Variants in THSD4 observed in about 807,000 individuals in gnomAD.
THSD4 encodes the protein thrombospondin type-1 domain-containing protein 4.
THSD4 carries 69 observed loss-of-function variants against 119.0 expected under a neutral mutation model. The ratio of observed to expected loss-of-function variants is 0.58; its 90% confidence interval spans 0.48 to 0.71. THSD4 has a LOEUF of 0.71. THSD4 is among the 30% of genes least tolerant of loss of function. The probability of loss-of-function intolerance (pLI) is 0.00; values close to 1 mark genes in which losing one functional copy is unlikely to be tolerated. For missense variants in THSD4, 1,393 were observed against 1,391.1 expected, an observed-to-expected ratio of 1.00 and a Z score of -0.02; for synonymous variants, 524 against 540.4, an observed-to-expected ratio of 0.97 and a Z score of 0.42.
chr15:71,325,548 G>C (rs1328852481), intron 6 of THSD4, among the ~76,000 whole-genome samples: 1 of 152,178 alleles, frequency 6.6e-6, no homozygotes, highest in Non-Finnish European at 1.5e-5. Context: ...TTCTAAGGGA[G>C]TTCAAAACTG....
chr15:71,168,286 T>C (rs1025539410), intron 3 of THSD4, among the ~76,000 whole-genome samples: 8 of 152,230 alleles, frequency 5.3e-5, no homozygotes, highest in African/African-American at 1.9e-4. Context: ...ACTGTCTGCC[T>C]AGCAGACACT....
chr15:71,165,078 T>A, intron 3 of THSD4: 2 of 1,609,998 alleles, frequency 1.2e-6, no homozygotes, highest in Non-Finnish European at 1.7e-6. Context: ...TGTTCTCCTT[T>A]GATTTTTGGG....
intron 6 of THSD4, among the ~76,000 whole-genome samples, chr15:71,258,412 C>CA (rs1397288291): frequency 2.0e-5 from 3 of 152,262 alleles, no homozygotes; most frequent in Admixed American, 2.0e-4. Context: ...CTCCTGATCT[C>CA]AAGTGATCCA....
chr15:71,660,147 G>T (rs989523927), intron 7 of THSD4, among the ~76,000 whole-genome samples: 25 of 152,196 alleles, frequency 1.6e-4, no homozygotes, highest in African/African-American at 6.0e-4. Context: ...GCAAACTTCA[G>T]TTTCAGATGT....
intron 14 of THSD4, among the ~76,000 whole-genome samples, chr15:71,750,205 A>G (rs965913914): frequency 6.6e-6 from 1 of 152,172 alleles, no homozygotes; most frequent in Non-Finnish European, 1.5e-5. Context: ...TCATGAGAAC[A>G]ACAACCATAG....
At chr15:71,749,697 T>TTTTATTTATTTATTTG (rs1555449035) in intron 14 of THSD4, among the ~76,000 whole-genome samples, 23 of 137,628 alleles carry the variant, frequency 1.7e-4, no homozygotes, top group African/African-American at 6.2e-4. Context: ...ATTTTTAAAT[T>TTTTATTTATTTATTTG]TTTATTTATT....
intron 6 of THSD4, among the ~76,000 whole-genome samples, chr15:71,359,349 C>T (rs1401117289): frequency 2.0e-5 from 3 of 152,172 alleles, no homozygotes; most frequent in Non-Finnish European, 4.4e-5. Flanking sequence ...GATATAGTAC[C>T]TTCTATTTAG....
At chr15:71,656,034 C>T (rs1019003647) in intron 7 of THSD4, among the ~76,000 whole-genome samples, 5 of 152,196 alleles carry the variant, frequency 3.3e-5, no homozygotes, top group South Asian at 4.1e-4. Context: ...TTATTCCAAA[C>T]TGTTTTTCCT....
At chr15:71,224,467 C>T (rs1394668365) in intron 4 of THSD4, among the ~76,000 whole-genome samples, 4 of 152,206 alleles carry the variant, frequency 2.6e-5, no homozygotes, top group Admixed American at 6.5e-5. Context: ...TCTACCACCC[C>T]GTCTCTGTCA....
intron 7 of THSD4, among the ~76,000 whole-genome samples, chr15:71,541,791 TGA>T (rs1281671255): frequency 6.6e-6 from 1 of 151,996 alleles, no homozygotes; most frequent in Non-Finnish European, 1.5e-5. Context: ...GCTAGCTCAG[TGA>T]GGATGGGGGA....
chr15:71,659,189 T>G (rs2051248358), intron 7 of THSD4, among the ~76,000 whole-genome samples: 1 of 152,238 alleles, frequency 6.6e-6, no homozygotes, highest in Admixed American at 6.5e-5. Context: ...CAAGTATCTT[T>G]CCATATCCTC....
At chr15:71,632,717 G>A (rs1287432306) in intron 7 of THSD4, among the ~76,000 whole-genome samples, 3 of 152,206 alleles carry the variant, frequency 2.0e-5, no homozygotes, top group African/African-American at 7.2e-5. Context: ...CCCAGCAACT[G>A]CTGTAAGTGA....
chr15:71,336,305 T>G (rs780778348), intron 6 of THSD4, among the ~76,000 whole-genome samples: 3 of 152,246 alleles, frequency 2.0e-5, no homozygotes, highest in Non-Finnish European at 4.4e-5. Context: ...ATTAATACCC[T>G]TTATTATGAG....
At chr15:71,247,603 G>A (rs2044216938) in intron 5 of THSD4, among the ~76,000 whole-genome samples, 1 of 152,108 alleles carries the variant, frequency 6.6e-6, no homozygotes, top group Non-Finnish European at 1.5e-5. Context: ...CAAGTGACAG[G>A]GGTCCTAGAG....
chr15:71,697,965 C>T (rs941835672), intron 8 of THSD4, among the ~76,000 whole-genome samples: 4 of 151,630 alleles, frequency 2.6e-5, no homozygotes, highest in African/African-American at 9.7e-5. Flanking sequence ...TGGCACAGAA[C>T]CCCCACTTCA....
At chr15:71,361,747 A>T (rs909825944) in intron 6 of THSD4, among the ~76,000 whole-genome samples, 1 of 152,182 alleles carries the variant, frequency 6.6e-6, no homozygotes, top group African/African-American at 2.4e-5. Flanking sequence ...TATCAATGCT[A>T]TGGGAGAAAA....
Position 71,141,535 on chromosome 15 carries a change from C to T in THSD4, c.8C>T (p.Ser3Phe). Residue 3 changes from serine (S) to phenylalanine (F), a missense_variant, in exon 2 of 18, where the codon TCC (serine) becomes TTC (phenylalanine). Coordinates refer to ENST00000261862, the MANE Select transcript of THSD4 (RefSeq NM_024817.3). Reference protein sequence around the residue: MVSHFMGSLSVLC... With the variant: MVFHFMGSLSVLC... ...GCCTGGACCCCCAGCATCATGGTTT[C>T]CCATTTCATGGGGTCTCTCAGGTAA... The T allele has an allele frequency of 6.2e-7, 1 of 1,610,040 alleles. No individual in the cohort carries two copies. Among genetic ancestry groups the T allele is most frequent in the South Asian group, 1.1e-5 (1 of 89,926 alleles).
chr15:71,523,446 C>T (rs932198982), intron 7 of THSD4, among the ~76,000 whole-genome samples: 2 of 152,224 alleles, frequency 1.3e-5, no homozygotes, highest in African/African-American at 2.4e-5. Flanking sequence ...AGGATGACCT[C>T]ATTATGAGAT....
At chr15:71,581,726 T>TAGAA (rs1327742752) in intron 7 of THSD4, among the ~76,000 whole-genome samples, 1 of 152,222 alleles carries the variant, frequency 6.6e-6, no homozygotes, top group Non-Finnish European at 1.5e-5. Context: ...ATTCCACTCT[T>TAGAA]CTGCATGTGG....
Sources: allele counts gnomAD v4.1 joint callset (sites outside exome capture counted in the v4.1 genomes callset), GRCh38; gene constraint gnomAD v4.1.1; transcripts MANE v1.5; gene names NCBI Gene and HGNC (gene_info 2026-07-23, HGNC 2026-07-21).